DAB2IP: variants seen among roughly 807,000 people sequenced by gnomAD.
DAB2IP encodes DAB2 interacting protein, also known as disabled homolog 2-interacting protein.
A neutral mutation model predicts 107.2 loss-of-function variants in DAB2IP; 28 were observed. The ratio of observed to expected loss-of-function variants is 0.26; its 90% CI spans 0.19 to 0.36. The LOEUF is 0.36. DAB2IP is among the 10% of genes least tolerant of loss of function. The pLI, the probability that DAB2IP is intolerant of heterozygous loss-of-function variation, is 1.00. For missense variants in DAB2IP, 1,400 were observed against 1,644.7 expected, an observed-to-expected ratio of 0.85 and a Z score of 2.57; for synonymous variants, 755 against 706.4, an observed-to-expected ratio of 1.07 and a Z score of -1.09.
chr9:121,755,253 G>A (rs996113772), intron 3 of DAB2IP, among the ~76,000 whole-genome samples: 1 of 152,188 alleles, frequency 6.6e-6, no homozygotes, highest in Non-Finnish European at 1.5e-5. Context: ...GTGTGGCGGT[G>A]TGGCGTGGCA....
At chr9:121,763,511 C>T in exon 7 of DAB2IP, 1 of 1,612,472 alleles carries the variant, frequency 6.2e-7, no homozygotes, top group Non-Finnish European at 8.5e-7. Flanking sequence ...CCAGGACTTC[C>T]TGACAGACCT....
chr9:121,672,616 G>A (rs868616147), intron 1 of DAB2IP, among the ~76,000 whole-genome samples: 14 of 152,146 alleles, frequency 9.2e-5, no homozygotes, highest in African/African-American at 3.1e-4. Context: ...AGAGGAAAGG[G>A]GATCCAGGAT....
chr9:121,591,383 C>T (rs1830419319), intron 1 of DAB2IP, among the ~76,000 whole-genome samples: 2 of 152,192 alleles, frequency 1.3e-5, no homozygotes, highest in Admixed American at 6.5e-5. Flanking sequence ...GCACAAGAAT[C>T]GCTTGAAGCC....
intron 1 of DAB2IP, among the ~76,000 whole-genome samples, chr9:121,642,029 C>CTCTCTCTGTCTTTCTTTCTTTCTT: frequency 3.7e-5 from 1 of 26,728 alleles, no homozygotes; most frequent in East Asian, 1.5e-3. Context: ...CTCTCTCTCT[C>CTCTCTCTGTCTTTCTTTCTTTCTT]TCTTTCTTTC....
At chr9:121,748,631 A>G (rs547390773) in intron 3 of DAB2IP, among the ~76,000 whole-genome samples, 2 of 152,282 alleles carry the variant, frequency 1.3e-5, no homozygotes, top group Non-Finnish European at 2.9e-5. Context: ...AGGCCATGAG[A>G]TGATGTTTGT....
intron 1 of DAB2IP, among the ~76,000 whole-genome samples, chr9:121,625,939 C>T (rs1462285143): frequency 6.6e-6 from 1 of 152,210 alleles, no homozygotes; most frequent in Non-Finnish European, 1.5e-5. Flanking sequence ...TTTAGCCTGC[C>T]TGGCCAAGCC....
In DAB2IP at chr9:121,699,818, G is replaced by A. The variant is rs575950638; in HGVS notation, c.362+360G>A. On this transcript the variant is annotated intron_variant, in intron 3 of 15. Coordinates refer to ENST00000408936, the Ensembl canonical transcript of DAB2IP. The surrounding 1 kb of genome is among the most constrained non-coding windows in gnomAD (Gnocchi z 6.2). ...AACCGGGGACGGAAGTGGGGCCTCT[G>A]CCGCCAGGACCCATCCCCCTGCCTT... is the stretch of plus-strand genomic sequence containing the variant. Among the ~76,000 whole-genome samples, 53 of 152,334 alleles carry A rather than the reference G, an allele frequency of 3.5e-4. No individual in the cohort carries two copies. The South Asian group carries it at 7.0e-3, about 20-fold the overall frequency.
intron 3 of DAB2IP, among the ~76,000 whole-genome samples, chr9:121,727,546 G>A (rs1324938750): frequency 6.6e-6 from 1 of 152,192 alleles, no homozygotes; most frequent in African/African-American, 2.4e-5. Flanking sequence ...AGAGGAGTGA[G>A]GAGGTGTGAT....
At chr9:121,691,531 A>C (rs949921178) in intron 2 of DAB2IP, among the ~76,000 whole-genome samples, 2 of 152,074 alleles carry the variant, frequency 1.3e-5, no homozygotes, top group East Asian at 1.9e-4. Context: ...AAAAAAAAAA[A>C]AAAAACTATG....
intron 1 of DAB2IP, among the ~76,000 whole-genome samples, chr9:121,641,943 T>TTCTC (rs1269141555): frequency 3.1e-5 from 4 of 130,262 alleles, no homozygotes; most frequent in East Asian, 2.4e-4. Flanking sequence ...CTTTCTCTCT[T>TTCTC]TCTTTCCTTT....
At position 121,776,013 on chromosome 9, in the gene DAB2IP, G is replaced by A. The variant is rs534224446; in HGVS notation, c.3121-185G>A. 6.2e-4 allele frequency among the ~76,000 whole-genome samples: 94 copies of A among 152,246 alleles called. No homozygotes were observed. Among genetic ancestry groups the A allele is most frequent in the African/African-American group, 2.2e-3 (91 of 41,552 alleles). On this transcript the variant is annotated intron_variant, in intron 13 of 15. Coordinates refer to ENST00000408936, the Ensembl canonical transcript of DAB2IP. This position sits in a 1 kb window ranked among gnomAD's most constrained non-coding sequence, Gnocchi z 5.4. Reference sequence around the variant, plus strand: ...AGGCCCCACGGTGGGGCACAGGCACGCGTCTGGCTGCAGCCCCCACCAGCT... The same window carrying A: ...AGGCCCCACGGTGGGGCACAGGCACACGTCTGGCTGCAGCCCCCACCAGCT...
intron 1 of DAB2IP, among the ~76,000 whole-genome samples, chr9:121,567,859 C>T (rs1002467833): frequency 7.2e-5 from 11 of 152,132 alleles, no homozygotes; most frequent in Non-Finnish European, 2.9e-5. Context: ...GGGGCTCCAG[C>T]GACGCAGTAA....
At chr9:121,626,270 C>T (rs1831642026) in intron 1 of DAB2IP, among the ~76,000 whole-genome samples, 1 of 151,912 alleles carries the variant, frequency 6.6e-6, no homozygotes, top group Non-Finnish European at 1.5e-5. Context: ...GAGATATATT[C>T]AGGACACAGA....
chr9:121,645,610 C>T (rs564737577), intron 1 of DAB2IP, among the ~76,000 whole-genome samples: 1 of 152,298 alleles, frequency 6.6e-6, no homozygotes, highest in Admixed American at 6.5e-5. Context: ...CTGCTCTGTG[C>T]TGGGATGAGA....
chr9:121,665,757 A>T (rs1833393320), intron 1 of DAB2IP, among the ~76,000 whole-genome samples: 1 of 152,236 alleles, frequency 6.6e-6, no homozygotes, highest in South Asian at 2.1e-4. Flanking sequence ...CTTATATGGG[A>T]ATAAGTGTGG....
Position 121,763,481 on chromosome 9 carries a change from T to A in DAB2IP, c.1171-24T>A, listed in dbSNP as rs1375848670. ...CATGCCAGGCCAGCTCAGGTCCTGCTCTCTCCACCTCCTGCCTCCCCAGGA... is the reference window on the plus strand; with the variant it reads ...CATGCCAGGCCAGCTCAGGTCCTGCACTCTCCACCTCCTGCCTCCCCAGGA... On this transcript the variant is annotated intron_variant, in intron 6 of 15. Transcript: ENST00000408936. The A allele has an allele frequency of 2.5e-6, 4 of 1,601,810 alleles. No individual in the cohort carries two copies. The African/African-American group carries it at 5.3e-5, about 21-fold the overall frequency.
intron 3 of DAB2IP, among the ~76,000 whole-genome samples, chr9:121,728,580 TG>T (rs1831358262): frequency 6.6e-6 from 1 of 151,236 alleles, no homozygotes; most frequent in Non-Finnish European, 1.5e-5. Flanking sequence ...GCCTGCTCCA[TG>T]CCAAGAATAC....
chr9:121,746,965 AG>A (rs1397728334), intron 3 of DAB2IP, among the ~76,000 whole-genome samples: 1 of 152,010 alleles, frequency 6.6e-6, no homozygotes, highest in East Asian at 1.9e-4. Flanking sequence ...GCTCAAGGAG[AG>A]GGAACGCATG....
intron 14 of DAB2IP, among the ~76,000 whole-genome samples, chr9:121,780,323 GC>G (rs1425683212): frequency 3.3e-5 from 5 of 152,104 alleles, no homozygotes; most frequent in Admixed American, 3.3e-4. Context: ...TGGGGAACCT[GC>G]CCCGGAGGGT....
Sources: allele counts gnomAD v4.1 joint callset (sites outside exome capture counted in the v4.1 genomes callset), GRCh38; gene constraint gnomAD v4.1.1; non-coding constraint Gnocchi (gnomAD v3.1); transcripts MANE v1.5; gene names NCBI Gene and HGNC (gene_info 2026-07-23, HGNC 2026-07-21).